Variants in PVT1 observed in about 807,000 individuals in gnomAD.
The protein encoded by PVT1 is CXCR4/PVT1 fusion.
At chr8:127,848,640 G>A (rs942620153) in intron 2 of PVT1, among the ~76,000 whole-genome samples, 7 of 152,126 alleles carry the variant, frequency 4.6e-5, no homozygotes, top group Admixed American at 3.3e-4. Flanking sequence ...CTGAGATCGC[G>A]CCATTGCACT....
chr8:127,931,575 A>T (rs1816206674), intron 3 of PVT1, among the ~76,000 whole-genome samples: 1 of 152,276 alleles, frequency 6.6e-6, no homozygotes, highest in Non-Finnish European at 1.5e-5. Context: ...ACTGAGGCAC[A>T]GAGCAGCTCA....
At chr8:127,946,163 G>A (rs756378659) in intron 3 of PVT1, among the ~76,000 whole-genome samples, 3 of 152,210 alleles carry the variant, frequency 2.0e-5, no homozygotes, top group Non-Finnish European at 4.4e-5. Context: ...AACTTAGGGC[G>A]ATTGGCCTTT....
chr8:127,864,314 C>T (rs889401852), intron 2 of PVT1, among the ~76,000 whole-genome samples: 2 of 152,120 alleles, frequency 1.3e-5, no homozygotes, highest in African/African-American at 4.8e-5. Context: ...GCCAGTCCCC[C>T]GCTGCATGAG....
chr8:127,989,713 C>T (rs1017537046), intron 4 of PVT1, among the ~76,000 whole-genome samples: 12 of 152,172 alleles, frequency 7.9e-5, no homozygotes, highest in African/African-American at 1.7e-4. Context: ...CCAGCCAATC[C>T]GTGCTTCCTC....
At chr8:128,012,906 T>C (rs1817329951) in intron 4 of PVT1, among the ~76,000 whole-genome samples, 1 of 152,168 alleles carries the variant, frequency 6.6e-6, no homozygotes, top group Non-Finnish European at 1.5e-5. Flanking sequence ...TTAAAAAATC[T>C]CTTTAGATGG....
At chr8:127,916,145 C>T (rs1487469401) in intron 3 of PVT1, among the ~76,000 whole-genome samples, 1 of 152,202 alleles carries the variant, frequency 6.6e-6, no homozygotes, top group Non-Finnish European at 1.5e-5. Context: ...CTCAGTTTCC[C>T]TAAATGTGCA....
intron 4 of PVT1, among the ~76,000 whole-genome samples, chr8:127,997,045 T>TTTTTTC (rs1817113533): frequency 2.6e-5 from 1 of 38,266 alleles, no homozygotes; most frequent in Non-Finnish European, 5.3e-5. Flanking sequence ...TTTGCTTTCG[T>TTTTTTC]TTTTTTTTTT....
At chr8:128,066,861 C>T (rs893387557) in intron 4 of PVT1, among the ~76,000 whole-genome samples, 1 of 152,208 alleles carries the variant, frequency 6.6e-6, no homozygotes, top group Non-Finnish European at 1.5e-5. Flanking sequence ...AGATTCTTCT[C>T]ATTGGGTTTT....
At chr8:128,007,486 G>A (rs956392194) in intron 4 of PVT1, among the ~76,000 whole-genome samples, 1 of 151,886 alleles carries the variant, frequency 6.6e-6, no homozygotes, top group Non-Finnish European at 1.5e-5. Flanking sequence ...AATATGGGAT[G>A]GTGTCCACAA....
intron 2 of PVT1, among the ~76,000 whole-genome samples, chr8:127,802,430 G>T (rs1345603630): frequency 6.6e-6 from 1 of 152,142 alleles, no homozygotes; most frequent in Non-Finnish European, 1.5e-5. Context: ...TGCCCAGGCT[G>T]GTCTTGAGCT....
At chr8:128,097,784 TC>T (rs1273354147) in intron 6 of PVT1, among the ~76,000 whole-genome samples, 1 of 152,136 alleles carries the variant, frequency 6.6e-6, no homozygotes, top group South Asian at 2.1e-4. Context: ...AGTCCATACT[TC>T]CTAGCTGCAC....
rs117826460 is a variant in PVT1, at chr8:127,835,577, G to A, written n.372+39506G>A. On this transcript the variant is annotated intron_variant and non_coding_transcript_variant, in intron 2 of 10. Coordinates refer to ENST00000651587, the Ensembl canonical transcript of PVT1. ...ACGCATATCTATGTAACAAACCTGCGTGTTCTGTACATGTATCCCAGAACT... is the reference window on the plus strand; with the variant it reads ...ACGCATATCTATGTAACAAACCTGCATGTTCTGTACATGTATCCCAGAACT... Among the ~76,000 whole-genome samples the A allele has an allele frequency of 4.3e-3, 652 of 152,174 alleles. 18 individuals are homozygous for A. The East Asian group carries it at 0.11, about 26-fold the overall frequency.
intron 6 of PVT1, among the ~76,000 whole-genome samples, chr8:128,098,823 G>A (rs146740467): frequency 4.6e-5 from 7 of 152,150 alleles, no homozygotes; most frequent in South Asian, 2.1e-4. Context: ...CCCAGGCCTC[G>A]GGACCCCCAG....
At chr8:127,847,110 C>A (rs894078243) in intron 2 of PVT1, among the ~76,000 whole-genome samples, 35 of 148,526 alleles carry the variant, frequency 2.4e-4, no homozygotes, top group African/African-American at 8.7e-4. Flanking sequence ...TCAAGCAATT[C>A]TCCTGCCTCA....
At chr8:127,948,849 T>C (rs1441864143) in intron 3 of PVT1, 2 of 152,224 alleles carry the variant, frequency 1.3e-5, no homozygotes, top group African/African-American at 4.8e-5. Flanking sequence ...TGAAAATTTG[T>C]TGTAGCAGCC....
At chr8:127,897,480 GAGAA>G (rs1815694009) in intron 3 of PVT1, among the ~76,000 whole-genome samples, 1 of 144,760 alleles carries the variant, frequency 6.9e-6, no homozygotes, top group Admixed American at 7.2e-5. Context: ...GAAAGAAAGA[GAGAA>G]AGAGAGAAAG....
chr8:127,813,202 A>AAT (rs1554588656), intron 2 of PVT1, among the ~76,000 whole-genome samples: 15 of 64,826 alleles, frequency 2.3e-4, no homozygotes, highest in Non-Finnish European at 3.8e-4. Context: ...AAATATATAT[A>AAT]ATATACAAAT....
At chr8:127,992,172 G>A (rs1272875913) in intron 4 of PVT1, among the ~76,000 whole-genome samples, 2 of 151,862 alleles carry the variant, frequency 1.3e-5, no homozygotes, top group Non-Finnish European at 2.9e-5. Flanking sequence ...AATCACTTGA[G>A]GCCAGGAGTT....
At chr8:127,957,893 G>A (rs1816590557) in intron 3 of PVT1, among the ~76,000 whole-genome samples, 2 of 152,250 alleles carry the variant, frequency 1.3e-5, no homozygotes, top group Non-Finnish European at 2.9e-5. Flanking sequence ...GTTCTGCAGG[G>A]CAAGGCCGAG....
Sources: gnomAD v4.1 joint callset for allele counts (sites outside exome capture counted in the v4.1 genomes callset) on GRCh38, gnomAD v4.1.1 for gene constraint, MANE v1.5 for transcripts, NCBI Gene and HGNC (gene_info 2026-07-23, HGNC 2026-07-21) for gene names.